The following SLC7A14 variants were observed in gnomAD, a reference collection of about 807,000 sequenced individuals.
SLC7A14 encodes the protein gamma-aminobutyric acid transporter SLC7A14.
SLC7A14 carries 37 observed loss-of-function variants against 60.2 expected under a neutral mutation model. The observed-to-expected ratio is 0.61, with a 90% confidence interval of 0.47 to 0.81. The LOEUF is 0.81. Among genes scored for constraint, SLC7A14 ranks in the 30% least tolerant of loss-of-function variants. The pLI, the probability that SLC7A14 is intolerant of heterozygous loss-of-function variation, is 0.00. For missense variants in SLC7A14, 886 were observed against 982.7 expected (o/e 0.90, Z 1.32); for synonymous variants, 399 against 395.8 (o/e 1.01, Z -0.10).
rs1326116750 is a variant in SLC7A14, at chr3:170,480,731, G to GGTC, written c.1548_1550dup (p.Thr518dup). On this transcript the variant is annotated inframe_insertion, in exon 7 of 8. Coordinates refer to ENST00000231706, the MANE Select transcript of SLC7A14 (RefSeq NM_020949.3). Reference sequence around the variant, plus strand: ...CGGATTCATCAGCTTCTATGCCTGTGGTCATGTCCACGGTGCCGTAATTGG... The same window carrying GGTC: ...CGGATTCATCAGCTTCTATGCCTGTGGTCGTCATGTCCACGGTGCCGTAATTGG... 1 of 1,614,074 alleles carries GGTC rather than the reference G, an allele frequency of 6.2e-7. No homozygotes were observed. The highest frequency in any genetic ancestry group is 1.3e-5 in the African/African-American group (1 of 74,912).
chr3:170,584,963 G>A (rs1018633166), intron 1 of SLC7A14, among the ~76,000 whole-genome samples: 3 of 152,164 alleles, frequency 2.0e-5, no homozygotes, highest in South Asian at 2.1e-4. Flanking sequence ...GCCAGAACAG[G>A]AGCGAGCCCC....
chr3:170,506,110 T>C (rs891254109), intron 2 of SLC7A14, among the ~76,000 whole-genome samples: 1 of 152,216 alleles, frequency 6.6e-6, no homozygotes, highest in Non-Finnish European at 1.5e-5. Flanking sequence ...TGAAATCCAG[T>C]GTTTAGGTGC....
chr3:170,549,553 T>C (rs1269260798), intron 1 of SLC7A14, among the ~76,000 whole-genome samples: 1 of 152,186 alleles, frequency 6.6e-6, no homozygotes, highest in Non-Finnish European at 1.5e-5. Flanking sequence ...CAATCCAGGC[T>C]GCTCCTCTAT....
At chr3:170,502,466 A>G (rs1560260992) in intron 2 of SLC7A14, among the ~76,000 whole-genome samples, 1 of 152,196 alleles carries the variant, frequency 6.6e-6, no homozygotes, top group African/African-American at 2.4e-5. Flanking sequence ...AGAGTTCCCT[A>G]TTTTGTGCTA....
intron 7 of SLC7A14, among the ~76,000 whole-genome samples, chr3:170,469,327 C>T (rs1008604834): frequency 2.6e-5 from 4 of 152,162 alleles, no homozygotes; most frequent in African/African-American, 9.7e-5. Context: ...TTTGTCCCCC[C>T]TCCCTCCCAC....
chr3:170,562,930 T>A (rs1050465047), intron 1 of SLC7A14, among the ~76,000 whole-genome samples: 4 of 151,950 alleles, frequency 2.6e-5, no homozygotes, highest in Non-Finnish European at 4.4e-5. Flanking sequence ...CTGTCTAATT[T>A]TTGTATTTTT....
chr3:170,572,412 A>G (rs747244030), intron 1 of SLC7A14, among the ~76,000 whole-genome samples: 1 of 152,222 alleles, frequency 6.6e-6, no homozygotes, highest in Non-Finnish European at 1.5e-5. Context: ...ACTTTATATG[A>G]TTAAATGAGT....
chr3:170,578,539 G>A (rs990892943), intron 1 of SLC7A14, among the ~76,000 whole-genome samples: 1 of 152,170 alleles, frequency 6.6e-6, no homozygotes, highest in African/African-American at 2.4e-5. Flanking sequence ...AAATTGGGCA[G>A]GTAATTTAAC....
chr3:170,542,305 C>T (rs1714042153), intron 1 of SLC7A14, among the ~76,000 whole-genome samples: 1 of 152,174 alleles, frequency 6.6e-6, no homozygotes, highest in Admixed American at 6.5e-5. Flanking sequence ...TTGACTCTCC[C>T]AGAGGCAACT....
intron 1 of SLC7A14, among the ~76,000 whole-genome samples, chr3:170,536,451 A>T (rs563045668): frequency 1.3e-5 from 2 of 152,254 alleles, no homozygotes; most frequent in Non-Finnish European, 2.9e-5. Context: ...TAGTTAGAAC[A>T]TATTTCCCAA....
At chr3:170,542,157 C>T (rs1714036179) in intron 1 of SLC7A14, among the ~76,000 whole-genome samples, 1 of 152,166 alleles carries the variant, frequency 6.6e-6, no homozygotes, top group Admixed American at 6.5e-5. Context: ...TCACCAGGAG[C>T]CAAGAGGCAG....
At chr3:170,552,501 A>G (rs1714378308) in intron 1 of SLC7A14, among the ~76,000 whole-genome samples, 1 of 152,202 alleles carries the variant, frequency 6.6e-6, no homozygotes, top group Admixed American at 6.5e-5. Context: ...CATTATTAAC[A>G]GGTTTTTGAC....
intron 7 of SLC7A14, among the ~76,000 whole-genome samples, chr3:170,467,739 ACGTCGGG>A (rs1739761431): frequency 6.6e-6 from 1 of 152,096 alleles, no homozygotes; most frequent in Non-Finnish European, 1.5e-5. Flanking sequence ...TCCCATGCTG[ACGTCGGG>A]CTCATTACAC....
chr3:170,549,864 G>A (rs1428481315), intron 1 of SLC7A14, among the ~76,000 whole-genome samples: 2 of 152,228 alleles, frequency 1.3e-5, no homozygotes, highest in Non-Finnish European at 2.9e-5. Context: ...AGGATGGAAA[G>A]CAATTTAAAC....
chr3:170,542,398 C>T (rs780750292), intron 1 of SLC7A14, among the ~76,000 whole-genome samples: 3 of 152,152 alleles, frequency 2.0e-5, no homozygotes, highest in African/African-American at 4.8e-5. Flanking sequence ...AGTAAAAGCA[C>T]CCACCGGCAC....
intron 4 of SLC7A14, chr3:170,496,045 T>A (rs776178165): frequency 1.2e-5 from 15 of 1,257,594 alleles, no homozygotes; most frequent in Non-Finnish European, 1.5e-5. Flanking sequence ...GAAGCTTACA[T>A]GAACAAGGCA....
chr3:170,543,277 G>A (rs1714076097), intron 1 of SLC7A14, among the ~76,000 whole-genome samples: 1 of 152,064 alleles, frequency 6.6e-6, no homozygotes, highest in South Asian at 2.1e-4. Flanking sequence ...CTAGTGTCTC[G>A]AACCAGCCCA....
chr3:170,550,471 T>C (rs932305880), intron 1 of SLC7A14, among the ~76,000 whole-genome samples: 4 of 149,310 alleles, frequency 2.7e-5, no homozygotes, highest in African/African-American at 1.0e-4. Flanking sequence ...TAAACGACTC[T>C]TGTAATCTTT....
chr3:170,466,948 A>G lies in SLC7A14; in HGVS notation c.*107T>C. The G allele has an allele frequency of 1.1e-6, 1 of 929,752 alleles. No homozygotes were observed. Among genetic ancestry groups the G allele is most frequent in the Non-Finnish European group, 1.6e-6 (1 of 612,106 alleles). The allele number at this position is 929,752 out of a possible 1,614,324, so 57.6% of individuals were successfully genotyped here. A position where few individuals can be genotyped will look rare whatever the true frequency, so the allele number is the denominator to read the frequency against. On this transcript the variant is annotated 3_prime_UTR_variant, in exon 8 of 8. Transcript: ENST00000231706. Reference sequence around the variant, plus strand: ...CTATGACTAGGGATTGAATTTGGGGAAGGCTGGATTTGTGAAATGAGAGCC... The same window carrying G: ...CTATGACTAGGGATTGAATTTGGGGGAGGCTGGATTTGTGAAATGAGAGCC...
Sources: allele counts gnomAD v4.1 joint callset (sites outside exome capture counted in the v4.1 genomes callset), GRCh38; gene constraint gnomAD v4.1.1; transcripts MANE v1.5; gene names NCBI Gene and HGNC (gene_info 2026-07-23, HGNC 2026-07-21).